EBF2: variants seen among roughly 807,000 people sequenced by gnomAD.
The protein encoded by EBF2 is EBF transcription factor 2.
EBF2 carries 21 observed loss-of-function variants against 72.8 expected under a neutral mutation model. The ratio of observed to expected loss-of-function variants is 0.29; its 90% CI spans 0.20 to 0.42. The LOEUF (loss-of-function observed/expected upper bound fraction) is 0.42. EBF2 is among the 10% of genes least tolerant of loss of function. The pLI is 1.00. For missense variants in EBF2, 637 were observed against 731.2 expected, an observed-to-expected ratio of 0.87 and a Z score of 1.49; for synonymous variants, 299 against 274.2, an observed-to-expected ratio of 1.09 and a Z score of -0.89.
At chr8:25,919,827 TG>T (rs1295456101) in intron 6 of EBF2, among the ~76,000 whole-genome samples, 4 of 152,190 alleles carry the variant, frequency 2.6e-5, no homozygotes, top group African/African-American at 9.6e-5. Context: ...AGCAACCTCC[TG>T]GGGCTATCTA....
intron 14 of EBF2, among the ~76,000 whole-genome samples, chr8:25,856,493 G>A (rs1281985691): frequency 6.6e-6 from 1 of 152,030 alleles, no homozygotes; most frequent in Non-Finnish European, 1.5e-5. Context: ...CTCTTACAAC[G>A]GATAATGATA....
At chr8:25,864,953 A>G (rs1445670312) in intron 10 of EBF2, among the ~76,000 whole-genome samples, 1 of 151,822 alleles carries the variant, frequency 6.6e-6, no homozygotes, top group Non-Finnish European at 1.5e-5. Flanking sequence ...GCGCGCCACC[A>G]TGCCTGGCTA....
intron 6 of EBF2, among the ~76,000 whole-genome samples, chr8:25,949,315 T>G (rs17054671): frequency 0.21 from 31,941 of 152,098 alleles, 4,653 homozygotes; most frequent in East Asian, 0.77. Context: ...TCTTCCCCTT[T>G]TCAGCGAATG....
chr8:25,844,616 G>A lies in EBF2; in HGVS notation c.1721C>T (p.Pro574Leu). Reference protein sequence around the residue: ...FRAMTGLVVPPM With the variant: ...FRAMTGLVVPLM The stretch of plus-strand genomic sequence containing the variant: ...TAAGAAAGCAGTTCTTCTTTACATC[G>A]GGGGTACAACAAGTCCGGTCATGGC... The change falls in exon 16 of 16, where the codon CCG becomes CTG. Residue 574 changes from proline (P) to leucine (L), a missense_variant. Transcript: ENST00000520164. 2 of 1,613,926 alleles carry A rather than the reference G, an allele frequency of 1.2e-6. No homozygotes were observed. Among genetic ancestry groups the A allele is most frequent in the South Asian group, 1.1e-5 (1 of 91,084 alleles).
Position 26,007,911 on chromosome 8 carries a change from A to T in EBF2, c.551+25174T>A, listed in dbSNP as rs117588459. 1.9e-3 allele frequency among the ~76,000 whole-genome samples: 292 copies of T among 152,224 alleles called. 1 individual carries two copies. The highest frequency in any genetic ancestry group is 0.014 in the East Asian group (73 of 5,176). ...ATAGCAGGTTTCCCTAAAAAAAAAAAAATAATAATTTTATCTCAGCATTTT... is the reference window on the plus strand; with the variant it reads ...ATAGCAGGTTTCCCTAAAAAAAAAATAATAATAATTTTATCTCAGCATTTT... On this transcript the variant is annotated intron_variant, in intron 6 of 15. Coordinates refer to ENST00000520164, the MANE Select transcript of EBF2 (RefSeq NM_022659.4).
At chr8:25,967,537 T>C (rs1804133633) in intron 6 of EBF2, among the ~76,000 whole-genome samples, 1 of 152,226 alleles carries the variant, frequency 6.6e-6, no homozygotes, top group Non-Finnish European at 1.5e-5. Flanking sequence ...GTTGAAAAGC[T>C]CATGTCATTT....
intron 6 of EBF2, among the ~76,000 whole-genome samples, chr8:26,029,636 AAGAC>A (rs1260433190): frequency 2.6e-5 from 4 of 152,268 alleles, no homozygotes; most frequent in Non-Finnish European, 5.9e-5. Flanking sequence ...AGAAAACGCA[AAGAC>A]AGACAGTGTA....
intron 6 of EBF2, among the ~76,000 whole-genome samples, chr8:25,938,726 G>C (rs1054413511): frequency 6.6e-6 from 1 of 152,142 alleles, no homozygotes; most frequent in Non-Finnish European, 1.5e-5. Flanking sequence ...CCTGGACTAA[G>C]ACTCCAGGGC....
intron 6 of EBF2, among the ~76,000 whole-genome samples, chr8:26,021,612 A>G (rs1404598242): frequency 6.6e-6 from 1 of 152,250 alleles, no homozygotes; most frequent in African/African-American, 2.4e-5. Flanking sequence ...CTGTGGAGGT[A>G]TATCCCAAAT....
intron 10 of EBF2, among the ~76,000 whole-genome samples, chr8:25,869,762 G>GA (rs1453403574): frequency 1.3e-5 from 2 of 152,120 alleles, no homozygotes; most frequent in Admixed American, 6.5e-5. Context: ...ATGCAATAGT[G>GA]AAAATCATTA....
At chr8:26,041,041 GC>G in intron 2 of EBF2, 39 bp from the exon 3 acceptor site, 1 of 1,610,672 alleles carries the variant, frequency 6.2e-7, no homozygotes, top group Non-Finnish European at 8.5e-7. Flanking sequence ...TTGCCTTTCA[GC>G]CCCCCAAAAT....
chr8:25,858,516 A>G lies in EBF2; in HGVS notation c.1343-12T>C. On this transcript the variant is annotated splice_polypyrimidine_tract_variant and intron_variant, in intron 13 of 15. Coordinates refer to ENST00000520164, the MANE Select transcript of EBF2 (RefSeq NM_022659.4). ...GTTGCGGATGTACCCTTGGCAACAA[A>G]GAAAAAGCCCAGGTAAATCAACAGG... 5.6e-6 allele frequency: 9 copies of G among 1,611,580 alleles called. No individual in the cohort carries two copies. Among genetic ancestry groups the G allele is most frequent in the Non-Finnish European group, 7.6e-6 (9 of 1,179,178 alleles).
intron 6 of EBF2, among the ~76,000 whole-genome samples, chr8:25,976,534 G>A (rs1408964428): frequency 1.3e-5 from 2 of 152,192 alleles, no homozygotes; most frequent in Admixed American, 1.3e-4. Flanking sequence ...ATTTGGAAAT[G>A]ATTTCCTGTA....
At chr8:25,927,249 G>A (rs1342134204) in intron 6 of EBF2, among the ~76,000 whole-genome samples, 1 of 151,864 alleles carries the variant, frequency 6.6e-6, no homozygotes, top group African/African-American at 2.4e-5. Flanking sequence ...ATGAATTTCA[G>A]ACTTGCCATC....
At chr8:25,891,758 A>G (rs569719795) in intron 7 of EBF2, among the ~76,000 whole-genome samples, 15 of 152,130 alleles carry the variant, frequency 9.9e-5, no homozygotes, top group Admixed American at 2.6e-4. Context: ...TTGTATTTTC[A>G]GTAGAGACAG....
At chr8:25,894,213 C>T (rs1802830217) in intron 7 of EBF2, among the ~76,000 whole-genome samples, 1 of 152,182 alleles carries the variant, frequency 6.6e-6, no homozygotes, top group African/African-American at 2.4e-5. Context: ...CTGACTTTTA[C>T]ATACATTTGC....
At chr8:25,948,979 A>G (rs749706469) in intron 6 of EBF2, among the ~76,000 whole-genome samples, 6 of 152,212 alleles carry the variant, frequency 3.9e-5, no homozygotes, top group Non-Finnish European at 7.3e-5. Flanking sequence ...GGCTGAAAAA[A>G]TAATAGGTCT....
chr8:25,858,900 C>G (rs1802155366), intron 13 of EBF2, among the ~76,000 whole-genome samples: 1 of 151,990 alleles, frequency 6.6e-6, no homozygotes, highest in Non-Finnish European at 1.5e-5. Context: ...ACCCCATGAT[C>G]CACCAGCCTC....
intron 14 of EBF2, among the ~76,000 whole-genome samples, chr8:25,857,697 A>T (rs1802123093): frequency 6.6e-6 from 1 of 152,216 alleles, no homozygotes; most frequent in Non-Finnish European, 1.5e-5. Context: ...CCACAGATTA[A>T]GATGAAGAGG....
Sources: gnomAD v4.1 joint callset for allele counts (sites outside exome capture counted in the v4.1 genomes callset) on GRCh38, gnomAD v4.1.1 for gene constraint, MANE v1.5 for transcripts, NCBI Gene and HGNC (gene_info 2026-07-23, HGNC 2026-07-21) for gene names.